Variants in CPEB1 observed in about 807,000 individuals in gnomAD.
The protein encoded by CPEB1 is cytoplasmic polyadenylation element-binding protein 1.
In CPEB1, 7 loss-of-function variants were observed where a neutral mutation model predicts 65.8. The observed-to-expected ratio is 0.11, with a 90% CI of 0.06 to 0.20. The LOEUF (loss-of-function observed/expected upper bound fraction) is 0.20. Among genes scored for constraint, CPEB1 ranks in the 10% least tolerant of loss-of-function variants. The pLI, the probability that CPEB1 is intolerant of heterozygous loss-of-function variation, is 1.00. For synonymous variants in CPEB1, 262 were observed against 260.0 expected, an observed-to-expected ratio of 1.01 and a Z score of -0.08; for missense variants, 551 against 712.2, an observed-to-expected ratio of 0.77 and a Z score of 2.58.
chr15:82,585,496 A>C lies in CPEB1; in HGVS notation c.272-13964T>G, dbSNP rs17841174. On this transcript the variant is annotated intron_variant, in intron 3 of 12. Coordinates refer to ENST00000684509, the MANE Select transcript of CPEB1 (RefSeq NM_001365242.1). ...AAACTTATTTTTGAAGTCCAGGAAG[A>C]ACTAGGCAACTTACAACTATCACCA... Among the ~76,000 whole-genome samples the C allele has an allele frequency of 3.1e-3, 477 of 152,316 alleles. 29 individuals carry two copies. In the East Asian group the frequency reaches 0.082, roughly 26 times the overall value.
At chr15:82,557,234 T>C (rs1451240196) in intron 5 of CPEB1, among the ~76,000 whole-genome samples, 1 of 152,180 alleles carries the variant, frequency 6.6e-6, no homozygotes, top group East Asian at 1.9e-4. Flanking sequence ...TGAGGCAATG[T>C]TTCATAGATT....
At chr15:82,647,667 CT>C (rs2047691746), upstream of CPEB1, 3 of 388,582 alleles carry the variant, frequency 7.7e-6, no homozygotes, top group African/African-American at 6.3e-5. Flanking sequence ...AGGAGGCTCC[CT>C]GCCCCCCTCG....
intron 3 of CPEB1, chr15:82,573,235 T>TA (rs2040284254): frequency 1.7e-5 from 3 of 179,218 alleles, no homozygotes; most frequent in African/African-American, 1.5e-4. Flanking sequence ...CCTTTGGAGA[T>TA]TTTTTTTTTT....
Position 82,627,216 on chromosome 15 carries a change from C to T in CPEB1, c.248G>A (p.Arg83Gln), listed in dbSNP as rs761900804. Residue 83 changes from arginine to glutamine, a missense_variant, in exon 3 of 13, where the codon CGA (arginine) becomes CAA (glutamine). Around this residue, in one of 6 missense-constraint regions of CPEB1, gnomAD observed 223 missense variants for 228.6 expected, o/e 0.98. Coordinates refer to ENST00000684509, the MANE Select transcript of CPEB1 (RefSeq NM_001365242.1). ...FSRVCTTPIN[R>Q]GIHDHLPDFQ... ...ACCTGGCAAATGATCATGAATTCCTCGGTTTATAGGTGTAGTGCAGACTCT... is the reference window on the plus strand; with the variant it reads ...ACCTGGCAAATGATCATGAATTCCTTGGTTTATAGGTGTAGTGCAGACTCT... The T allele has an allele frequency of 2.5e-6, 4 of 1,608,324 alleles. No homozygotes were observed. In the Admixed American group the frequency reaches 5.1e-5, roughly 21 times the overall value.
intron 1 of CPEB1, chr15:82,640,791 G>A (rs1026915895): frequency 1.3e-5 from 2 of 151,864 alleles, no homozygotes; most frequent in Admixed American, 6.6e-5. Flanking sequence ...TGGGTCTCCT[G>A]TATATATAAG....
In CPEB1 at chr15:82,554,001, A is replaced by T. The variant is rs774953328; in HGVS notation, c.941-10T>A. 2.0e-5 allele frequency: 31 copies of T among 1,540,220 alleles called. No individual in the cohort carries two copies. Among genetic ancestry groups the T allele is most frequent in the South Asian group, 3.5e-5 (3 of 85,730 alleles). ...GTGGCTTCATTCACAGCTTTGGTAG[A>T]TGGCAAAGAGATAAACAGGGGAGGT... On this transcript the variant is annotated splice_polypyrimidine_tract_variant and intron_variant, in intron 6 of 12. Coordinates refer to ENST00000684509, the MANE Select transcript of CPEB1 (RefSeq NM_001365242.1).
chr15:82,630,273 A>T (rs763649068), intron 1 of CPEB1: 34 of 174,354 alleles, frequency 2.0e-4, no homozygotes, highest in Middle Eastern at 2.6e-3. Context: ...TTCATTCTTC[A>T]CTGCCTAATA....
chr15:82,571,835 T>G, intron 3 of CPEB1: 3 of 1,162,034 alleles, frequency 2.6e-6, no homozygotes, highest in Non-Finnish European at 2.1e-6. Context: ...AGCCGTGCAA[T>G]AGAGAGCGGC....
intron 3 of CPEB1, among the ~76,000 whole-genome samples, chr15:82,576,921 TG>T (rs1437949777): frequency 6.6e-6 from 1 of 152,066 alleles, no homozygotes; most frequent in Non-Finnish European, 1.5e-5. Flanking sequence ...GCTACTTGGG[TG>T]GCTGAGGTGG....
intron 3 of CPEB1, among the ~76,000 whole-genome samples, chr15:82,581,743 T>C (rs557236391): frequency 2.0e-5 from 3 of 152,210 alleles, no homozygotes; most frequent in East Asian, 1.9e-4. Flanking sequence ...CCAATGTTTT[T>C]AAAAATCTCC....
At chr15:82,559,463 G>T (rs1308216063) in intron 4 of CPEB1, among the ~76,000 whole-genome samples, 1 of 152,122 alleles carries the variant, frequency 6.6e-6, no homozygotes, top group East Asian at 1.9e-4. Context: ...TTTCCAAGTA[G>T]ATGGAACTAT....
upstream of CPEB1, chr15:82,647,725 G>T (rs1232430035): frequency 3.7e-6 from 3 of 811,810 alleles, no homozygotes; most frequent in South Asian, 1.8e-4. Flanking sequence ...ACGTGACCGC[G>T]CCCCGCCCGG....
intron 3 of CPEB1, among the ~76,000 whole-genome samples, chr15:82,590,725 T>C (rs2042186935): frequency 6.6e-6 from 1 of 152,182 alleles, no homozygotes; most frequent in South Asian, 2.1e-4. Context: ...TTTGTGTCCA[T>C]ATGTCCTTAT....
chr15:82,606,073 A>G (rs1416926436), intron 3 of CPEB1, among the ~76,000 whole-genome samples: 2 of 152,194 alleles, frequency 1.3e-5, no homozygotes, highest in Admixed American at 6.5e-5. Flanking sequence ...CATTAACAGC[A>G]CAAGAGGAGG....
intron 3 of CPEB1, among the ~76,000 whole-genome samples, chr15:82,575,845 G>C (rs1200548029): frequency 6.6e-6 from 1 of 151,924 alleles, no homozygotes; most frequent in Admixed American, 6.6e-5. Context: ...CATCCACCTT[G>C]TACTTATGAA....
At chr15:82,630,036 T>C (rs953864414) in intron 1 of CPEB1, 11 of 985,422 alleles carry the variant, frequency 1.1e-5, no homozygotes, top group Non-Finnish European at 1.2e-5. Flanking sequence ...AAGGCCCTTT[T>C]CACAACTGTA....
intron 4 of CPEB1, among the ~76,000 whole-genome samples, chr15:82,567,476 T>TA (rs1001292395): frequency 8.8e-5 from 13 of 147,098 alleles, no homozygotes; most frequent in East Asian, 4.0e-4. Flanking sequence ...GTCTCTACTT[T>TA]AAAAAAAAAA....
intron 8 of CPEB1, among the ~76,000 whole-genome samples, chr15:82,553,173 G>A (rs1423826648): frequency 6.6e-6 from 1 of 152,176 alleles, no homozygotes. Flanking sequence ...GCCTTATTTT[G>A]AGAGGAAAGG....
intron 1 of CPEB1, among the ~76,000 whole-genome samples, chr15:82,639,332 CAG>C (rs560077887): frequency 1.3e-4 from 20 of 152,182 alleles, no homozygotes; most frequent in Non-Finnish European, 2.2e-4. Context: ...CAGCAAGACA[CAG>C]AACATTTCCA....
Sources: allele counts gnomAD v4.1 joint callset (sites outside exome capture counted in the v4.1 genomes callset), GRCh38; gene constraint gnomAD v4.1.1; regional missense constraint gnomAD v4.1.1; transcripts MANE v1.5; gene names NCBI Gene and HGNC (gene_info 2026-07-23, HGNC 2026-07-21).